CCDC3: variants seen among roughly 807,000 people sequenced by gnomAD.
CCDC3 encodes coiled-coil domain containing 3.
In CCDC3, 24 loss-of-function variants were observed where a neutral mutation model predicts 21.4. That is an observed-to-expected ratio of 1.12 (90% CI 0.81 to 1.58). CCDC3 has a LOEUF of 1.58. Among genes scored for constraint, CCDC3 ranks in the 40% most tolerant of loss-of-function variants. The pLI, the probability that CCDC3 is intolerant of heterozygous loss-of-function variation, is 0.00. For missense variants in CCDC3, 425 were observed against 360.9 expected (o/e 1.18, Z -1.44); for synonymous variants, 186 against 166.0 (o/e 1.12, Z -0.93).
intron 2 of CCDC3, among the ~76,000 whole-genome samples, chr10:12,997,927 A>T (rs558722917): frequency 3.9e-5 from 6 of 152,334 alleles, no homozygotes; most frequent in African/African-American, 9.6e-5. Flanking sequence ...GCAAAAAAAA[A>T]TTGCAGAAAA....
intron 5 of CCDC3, among the ~76,000 whole-genome samples, chr10:13,047,860 G>A (rs7910528): frequency 0.24 from 37,092 of 152,058 alleles, 4,582 homozygotes; most frequent in Middle Eastern, 0.38. Flanking sequence ...GGGACGCGCC[G>A]GAAGAAATAA....
intron 4 of CCDC3, among the ~76,000 whole-genome samples, chr10:13,052,360 G>A (rs1470566930): frequency 2.6e-5 from 4 of 152,136 alleles, no homozygotes; most frequent in South Asian, 4.1e-4. Context: ...GCAACAGAGC[G>A]AGACCCTATC....
chr10:13,004,032 T>G (rs917820553), upstream of CCDC3, among the ~76,000 whole-genome samples: 1 of 152,124 alleles, frequency 6.6e-6, no homozygotes, highest in African/African-American at 2.4e-5. Flanking sequence ...GACTAAGACT[T>G]CCAAACAAGC....
intron 2 of CCDC3, among the ~76,000 whole-genome samples, chr10:12,938,151 T>C (rs975615652): frequency 1.3e-5 from 2 of 152,216 alleles, no homozygotes; most frequent in African/African-American, 4.8e-5. Context: ...AAGGAGGGGT[T>C]AGCATTTTCC....
At chr10:13,041,504 ATTTTTTTTTTTTTTTTTTT>A (rs71477255) in intron 5 of CCDC3, among the ~76,000 whole-genome samples, 17 of 62,116 alleles carry the variant, frequency 2.7e-4, no homozygotes, top group African/African-American at 8.9e-4. Flanking sequence ...CTGGCAGATA[ATTTTTTTTTTTTTTTTTTT>A]TTTTTTTTTT....
At chr10:13,083,207 C>T (rs1460852583) in intron 3 of CCDC3, among the ~76,000 whole-genome samples, 1 of 152,186 alleles carries the variant, frequency 6.6e-6, no homozygotes, top group African/African-American at 2.4e-5. Flanking sequence ...ACTGGACATT[C>T]TGCCAAACAA....
At chr10:12,944,409 A>T (rs1294013693) in intron 2 of CCDC3, among the ~76,000 whole-genome samples, 1 of 152,188 alleles carries the variant, frequency 6.6e-6, no homozygotes, top group Non-Finnish European at 1.5e-5. Flanking sequence ...TAACTCTTTC[A>T]ACCAACTGCC....
intron 2 of CCDC3, among the ~76,000 whole-genome samples, chr10:12,986,550 G>A (rs192638451): frequency 4.6e-5 from 7 of 152,258 alleles, no homozygotes; most frequent in Admixed American, 2.0e-4. Context: ...CAAGGCGGGC[G>A]GATCACAAGG....
intron 2 of CCDC3, among the ~76,000 whole-genome samples, chr10:12,972,126 C>T (rs930991498): frequency 2.0e-5 from 3 of 152,180 alleles, no homozygotes. Flanking sequence ...AACTCACTAT[C>T]AAACCACCAC....
chr10:12,991,262 T>C lies in CCDC3; in HGVS notation c.549+7076A>G, dbSNP rs74119556. On this transcript the variant is annotated intron_variant, in intron 2 of 2. Coordinates refer to ENST00000378825, the MANE Select transcript of CCDC3 (RefSeq NM_031455.4). ...TCAAAAAATAAACACTGTTCATTTT[T>C]TCCCTCCGTGCTATATATTCCACCA... 1.3e-3 allele frequency among the ~76,000 whole-genome samples: 202 copies of C among 152,332 alleles called. 1 individual carries two copies. Among genetic ancestry groups the C allele is most frequent in the African/African-American group, 4.7e-3 (195 of 41,588 alleles).
intron 2 of CCDC3, among the ~76,000 whole-genome samples, chr10:12,996,719 A>G (rs1382289566): frequency 6.6e-6 from 1 of 152,186 alleles, no homozygotes; most frequent in Non-Finnish European, 1.5e-5. Context: ...GGGTCCAGGG[A>G]GCCCTGGGAG....
chr10:13,026,805 T>C (rs1564324965), intron 5 of CCDC3, among the ~76,000 whole-genome samples: 1 of 152,188 alleles, frequency 6.6e-6, no homozygotes, highest in South Asian at 2.1e-4. Context: ...CACTCCAGCA[T>C]GAATATAACA....
intron 2 of CCDC3, among the ~76,000 whole-genome samples, chr10:12,920,180 A>C (rs1834426438): frequency 6.6e-6 from 1 of 152,118 alleles, no homozygotes; most frequent in Admixed American, 6.5e-5. Flanking sequence ...GGAAGGTGAA[A>C]GGCACGTCTT....
exon 2 of CCDC3, chr10:13,099,213 G>A (rs977572460): frequency 5.9e-5 from 9 of 152,484 alleles, no homozygotes; most frequent in Non-Finnish European, 1.3e-4. Flanking sequence ...AGCCTCAGGG[G>A]CAGGGTTGAG....
chr10:13,080,183 C>T (rs917867845), intron 3 of CCDC3, among the ~76,000 whole-genome samples: 4 of 151,062 alleles, frequency 2.6e-5, no homozygotes, highest in Admixed American at 1.3e-4. Flanking sequence ...AGAGAGGAAA[C>T]GGGATGGCAA....
chr10:12,994,434 A>AC (rs1410790348), intron 2 of CCDC3, among the ~76,000 whole-genome samples: 1 of 151,536 alleles, frequency 6.6e-6, no homozygotes, highest in African/African-American at 2.4e-5. Flanking sequence ...AACACCCAGC[A>AC]CCCAGCACCC....
intron 3 of CCDC3, among the ~76,000 whole-genome samples, chr10:13,080,183 C>CAG (rs370349595): frequency 7.3e-4 from 111 of 151,180 alleles, no homozygotes; most frequent in Middle Eastern, 3.4e-3. Context: ...AGAGAGGAAA[C>CAG]GGGATGGCAA....
chr10:13,019,227 C>G (rs564557084), intron 5 of CCDC3, among the ~76,000 whole-genome samples: 3 of 151,700 alleles, frequency 2.0e-5, no homozygotes, highest in South Asian at 4.2e-4. Context: ...GAGTGAGACT[C>G]TGTCTTTAAA....
At chr10:12,991,474 C>T (rs920774766) in intron 2 of CCDC3, among the ~76,000 whole-genome samples, 1 of 152,104 alleles carries the variant, frequency 6.6e-6, no homozygotes, top group African/African-American at 2.4e-5. Context: ...GCATGTGCCA[C>T]CATGCCTGGC....
Sources: gnomAD v4.1 joint callset for allele counts (sites outside exome capture counted in the v4.1 genomes callset) on GRCh38, gnomAD v4.1.1 for gene constraint, MANE v1.5 for transcripts, NCBI Gene and HGNC (gene_info 2026-07-23, HGNC 2026-07-21) for gene names.